Variants in ATP8A2 observed in about 807,000 individuals in gnomAD.
ATP8A2 encodes phospholipid-transporting ATPase IB.
ATP8A2 carries 100 observed loss-of-function variants against 165.6 expected under a neutral mutation model. That is an observed-to-expected ratio of 0.60 (90% CI 0.51 to 0.71). The LOEUF (loss-of-function observed/expected upper bound fraction) is 0.71. Among genes scored for constraint, ATP8A2 ranks in the 30% least tolerant of loss-of-function variants. ATP8A2 has a pLI of 0.00. For missense variants in ATP8A2, 1,227 were observed against 1,479.5 expected, an observed-to-expected ratio of 0.83 and a Z score of 2.80; for synonymous variants, 543 against 548.8, an observed-to-expected ratio of 0.99 and a Z score of 0.15.
At chr13:25,934,911 A>G (rs1282397643) in intron 33 of ATP8A2, among the ~76,000 whole-genome samples, 1 of 152,174 alleles carries the variant, frequency 6.6e-6, no homozygotes, top group Non-Finnish European at 1.5e-5. Context: ...AAGGGCCAGG[A>G]GCTGGGTCCT....
At chr13:25,467,706 C>G (rs1039780834) in intron 1 of ATP8A2, among the ~76,000 whole-genome samples, 2 of 152,136 alleles carry the variant, frequency 1.3e-5, no homozygotes, top group Non-Finnish European at 2.9e-5. Flanking sequence ...CGCCCTCCAC[C>G]TTGCCCGGCT....
At chr13:25,485,622 CTG>C (rs2137608592) in intron 2 of ATP8A2, among the ~76,000 whole-genome samples, 1 of 152,316 alleles carries the variant, frequency 6.6e-6, no homozygotes, top group South Asian at 2.1e-4. Flanking sequence ...TCGAGGCTTC[CTG>C]TGAGTCCCAG....
intron 25 of ATP8A2, among the ~76,000 whole-genome samples, chr13:25,758,867 G>A (rs982466887): frequency 6.6e-6 from 1 of 152,242 alleles, no homozygotes; most frequent in African/African-American, 2.4e-5. Context: ...TAGAATAAGT[G>A]GCTTGTTAAA....
At chr13:25,537,123 A>G (rs2038311374) in intron 6 of ATP8A2, among the ~76,000 whole-genome samples, 1 of 152,184 alleles carries the variant, frequency 6.6e-6, no homozygotes, top group Non-Finnish European at 1.5e-5. Flanking sequence ...TGGAGACTAC[A>G]GCCCTTTTCC....
At chr13:25,790,045 C>T (rs532556183) in intron 27 of ATP8A2, among the ~76,000 whole-genome samples, 1 of 152,248 alleles carries the variant, frequency 6.6e-6, no homozygotes, top group African/African-American at 2.4e-5. Context: ...GAAACTGTAC[C>T]ATTCCTTACA....
At chr13:25,873,656 T>G (rs1952741426) in intron 33 of ATP8A2, among the ~76,000 whole-genome samples, 1 of 143,556 alleles carries the variant, frequency 7.0e-6, no homozygotes, top group Admixed American at 6.9e-5. Flanking sequence ...TTTTTTTTTT[T>G]GAGATGGAGT....
At chr13:25,647,870 G>A (rs912638210) in intron 24 of ATP8A2, among the ~76,000 whole-genome samples, 1 of 151,792 alleles carries the variant, frequency 6.6e-6, no homozygotes, top group Non-Finnish European at 1.5e-5. Flanking sequence ...TGTATTTTTA[G>A]TAGAGATGGG....
intron 1 of ATP8A2, among the ~76,000 whole-genome samples, chr13:25,373,838 C>G (rs1381741712): frequency 2.0e-5 from 3 of 152,068 alleles, no homozygotes; most frequent in Non-Finnish European, 2.9e-5. Context: ...TGTGCAAGGC[C>G]AGACATAGAG....
chr13:25,814,166 GAA>G (rs1245320954), intron 27 of ATP8A2, among the ~76,000 whole-genome samples: 1 of 151,950 alleles, frequency 6.6e-6, no homozygotes, highest in African/African-American at 2.4e-5. Flanking sequence ...GGGTTGTGAT[GAA>G]TATCTGTGGT....
intron 24 of ATP8A2, chr13:25,591,394 C>T (rs994397575): frequency 4.4e-6 from 2 of 456,440 alleles, no homozygotes; most frequent in Non-Finnish European, 8.8e-6. Flanking sequence ...CGTGTAAGTT[C>T]AATCATATAG....
chr13:25,621,541 G>A (rs137963735), intron 24 of ATP8A2, among the ~76,000 whole-genome samples: 40 of 152,108 alleles, frequency 2.6e-4, no homozygotes, highest in African/African-American at 8.2e-4. Flanking sequence ...ACTGAAATCC[G>A]TCCTGCCTTT....
chr13:25,638,170 A>G (rs1341531658), intron 24 of ATP8A2, among the ~76,000 whole-genome samples: 3 of 152,216 alleles, frequency 2.0e-5, no homozygotes, highest in Non-Finnish European at 2.9e-5. Context: ...AACAGAGCAG[A>G]AAAGCTGAAA....
chr13:25,977,020 T>G (rs979537433), intron 35 of ATP8A2, among the ~76,000 whole-genome samples: 1 of 121,412 alleles, frequency 8.2e-6, no homozygotes, highest in African/African-American at 3.3e-5. Flanking sequence ...ACTCCTGACC[T>G]TGTGATCCAC....
chr13:25,570,701 C>T, intron 16 of ATP8A2, 66 bp from the exon 17 acceptor site: 4 of 1,268,918 alleles, frequency 3.2e-6, no homozygotes, highest in Non-Finnish European at 4.6e-6. Flanking sequence ...TGGGGATCTG[C>T]TTGTGTGAGC....
At chr13:25,599,607 T>G (rs2040328733) in intron 24 of ATP8A2, among the ~76,000 whole-genome samples, 1 of 152,256 alleles carries the variant, frequency 6.6e-6, no homozygotes, top group Admixed American at 6.5e-5. Context: ...ACTTGGGTTT[T>G]TCTTTTGTAA....
At chr13:25,868,841 G>A (rs773552003) in intron 33 of ATP8A2, among the ~76,000 whole-genome samples, 3 of 152,034 alleles carry the variant, frequency 2.0e-5, no homozygotes, top group African/African-American at 7.3e-5. Context: ...AGGCCTGGGT[G>A]GGCGGATCAC....
At chr13:25,442,582 T>G (rs558927377) in intron 1 of ATP8A2, among the ~76,000 whole-genome samples, 1 of 152,248 alleles carries the variant, frequency 6.6e-6, no homozygotes, top group South Asian at 2.1e-4. Flanking sequence ...CCTGCCTAAT[T>G]AAAATAATTT....
chr13:25,444,047 T>C (rs1256430360), intron 1 of ATP8A2, among the ~76,000 whole-genome samples: 1 of 152,242 alleles, frequency 6.6e-6, no homozygotes, highest in Non-Finnish European at 1.5e-5. Context: ...TAGTTCCATT[T>C]ACCCCTTCTA....
chr13:25,392,634 A>G (rs1203362403), intron 1 of ATP8A2, among the ~76,000 whole-genome samples: 1 of 152,196 alleles, frequency 6.6e-6, no homozygotes, highest in African/African-American at 2.4e-5. Context: ...CTTTTATAAA[A>G]AAATTTTGTA....
Sources: allele counts gnomAD v4.1 joint callset (sites outside exome capture counted in the v4.1 genomes callset), GRCh38; gene constraint gnomAD v4.1.1; transcripts MANE v1.5; gene names NCBI Gene and HGNC (gene_info 2026-07-23, HGNC 2026-07-21).